Variants in MYH9 observed in about 807,000 individuals in gnomAD.
The protein encoded by MYH9 is myosin heavy chain 9.
A neutral mutation model predicts 241.9 loss-of-function variants in MYH9; 29 were observed. That is an observed-to-expected ratio of 0.12 (90% CI 0.09 to 0.16). MYH9 has a LOEUF of 0.16. Among genes scored for constraint, MYH9 ranks in the 10% least tolerant of loss-of-function variants. MYH9 has a pLI of 1.00. For missense variants in MYH9, 1,803 were observed against 2,595.5 expected (o/e 0.69, Z 6.63); for synonymous variants, 1,047 against 1,062.6 (o/e 0.99, Z 0.29).
chr22:36,293,893 ATGGACCCACCCCCAC>A lies in MYH9; in HGVS notation c.3838-45_3838-31del. On this transcript the variant is annotated intron_variant, in intron 28 of 40. Transcript: ENST00000216181. The surrounding 1 kb of genome is among the most constrained non-coding windows in gnomAD (Gnocchi z 5.1). ...ACCGGGCGGGGAGACACAAAGGACC[ATGGACCCACCCCCAC>A]TGCTCCTGCCCCACCTCATCTCCTT... 1 of 1,595,300 alleles carries A rather than the reference ATGGACCCACCCCCAC, an allele frequency of 6.3e-7. No individual in the cohort carries two copies. Among genetic ancestry groups the A allele is most frequent in the Non-Finnish European group, 8.6e-7 (1 of 1,167,468 alleles).
intron 14 of MYH9, among the ~76,000 whole-genome samples, chr22:36,311,389 T>C (rs2017061487): frequency 6.6e-6 from 1 of 151,420 alleles, no homozygotes; most frequent in Non-Finnish European, 1.5e-5. Flanking sequence ...AACTAGGACA[T>C]GTTTGGCGAT....
chr22:36,292,078 G>A lies in MYH9; in HGVS notation c.4252C>T (p.Leu1418=). ...YDKLEKTKTR[L]QQELDDLLVD... ...AGCAGGTCGTCCAGCTCCTGCTGCAGCCGCGTCTTGGTCTTCTCCAGCTTG... is the reference window on the plus strand; with the variant it reads ...AGCAGGTCGTCCAGCTCCTGCTGCAACCGCGTCTTGGTCTTCTCCAGCTTG... The change falls in exon 31 of 41, where the codon CTG becomes TTG. Residue 1418 remains leucine (L), a synonymous_variant. Coordinates refer to ENST00000216181, the MANE Select transcript of MYH9 (RefSeq NM_002473.6). 1 of 1,614,162 alleles carries A rather than the reference G, an allele frequency of 6.2e-7. No individual in the cohort carries two copies. Among genetic ancestry groups the A allele is most frequent in the Non-Finnish European group, 8.5e-7 (1 of 1,180,052 alleles).
chr22:36,387,691 C>A (rs1255358571), intron 1 of MYH9, 116 bp downstream of exon 1: 2 of 150,594 alleles, frequency 1.3e-5, no homozygotes, highest in East Asian at 2.0e-4. Flanking sequence ...CCCGCCCGCG[C>A]GGGTGGCGGG....
At chr22:36,376,684 C>G (rs931311524) in intron 1 of MYH9, among the ~76,000 whole-genome samples, 4 of 152,222 alleles carry the variant, frequency 2.6e-5, no homozygotes, top group Admixed American at 6.5e-5. Flanking sequence ...CAGGGATTCC[C>G]CGATCAGTGT....
chr22:36,341,660 C>G, intron 2 of MYH9, 134 bp from the exon 3 acceptor site: 1 of 1,018,798 alleles, frequency 9.8e-7, no homozygotes, highest in South Asian at 1.3e-5. Context: ...CCTGATGGCC[C>G]TTGCTCCCAG....
intron 9 of MYH9, chr22:36,319,983 GT>G: frequency 1.6e-6 from 1 of 629,498 alleles, no homozygotes; most frequent in Non-Finnish European, 2.8e-6. Context: ...GTGGACCCGA[GT>G]CCTGGGCAGT....
In MYH9 at chr22:36,320,681, T is replaced by C; in HGVS notation, c.868+117A>G. On this transcript the variant is annotated intron_variant, in intron 8 of 40. Transcript: ENST00000216181. This position sits in a 1 kb window ranked among gnomAD's most constrained non-coding sequence, Gnocchi z 4.8. Reference sequence around the variant, plus strand: ...AGAGAACAGGAGTCACTCTCACTTCTCCCCGTTAAACCCAAGGCCAAAAGT... The same window carrying C: ...AGAGAACAGGAGTCACTCTCACTTCCCCCCGTTAAACCCAAGGCCAAAAGT... The C allele has an allele frequency of 1.2e-6, 1 of 851,616 alleles. No individual in the cohort carries two copies. Among genetic ancestry groups the C allele is most frequent in the Non-Finnish European group, 1.9e-6 (1 of 519,978 alleles). 52.8% of individuals were successfully genotyped at this position (851,616 alleles called of 1,614,324 possible).
In MYH9 at chr22:36,295,567, T is replaced by C. The variant is rs1293746302; in HGVS notation, c.3423A>G (p.Leu1141=). ...CCTCCAACTCTGTTTTCAGAGCCTC[T>C]AGCTCTTCCCCAAGGTCCCGTTTCT... ...EKQKRDLGEE[L]EALKTELEDT... is the part of the protein sequence containing the mutation. Residue 1141 remains leucine, a synonymous_variant, in exon 26 of 41, where the codon CTA becomes CTG. Coordinates refer to ENST00000216181, the MANE Select transcript of MYH9 (RefSeq NM_002473.6). The surrounding 1 kb of genome is among the most constrained non-coding windows in gnomAD (Gnocchi z 4.1). 4 of 1,613,842 alleles carry C rather than the reference T, an allele frequency of 2.5e-6. No individual in the cohort carries two copies. The South Asian group carries it at 3.3e-5, about 13-fold the overall frequency.
intron 3 of MYH9, among the ~76,000 whole-genome samples, chr22:36,337,892 C>T (rs1016662654): frequency 4.6e-5 from 7 of 152,148 alleles, no homozygotes; most frequent in Admixed American, 2.6e-4. Flanking sequence ...CTTGTCATAA[C>T]ATGGACAACT....
chr22:36,336,316 G>T (rs550962783), intron 3 of MYH9, among the ~76,000 whole-genome samples: 24 of 152,278 alleles, frequency 1.6e-4, no homozygotes, highest in African/African-American at 5.8e-4. Context: ...TTCCCCATAG[G>T]GGAGACCCCA....
At position 36,304,119 on chromosome 22, in the gene MYH9, T is replaced by G. The variant is rs937636221; in HGVS notation, c.2266A>C (p.Ile756Leu). ...CGGAAGAAGACTTTGCTCTGGCCAATGCGGTACAGATTGCTGTCGAGCTCC... is the reference window on the plus strand; with the variant it reads ...CGGAAGAAGACTTTGCTCTGGCCAAGGCGGTACAGATTGCTGTCGAGCTCC... ...ALELDSNLYRIGQSKVFFRAG... is the reference protein window; with the variant it reads ...ALELDSNLYRLGQSKVFFRAG... The change falls in exon 19 of 41, where the codon ATT (isoleucine) becomes CTT (leucine). Residue 756 changes from isoleucine (I) to leucine (L), a missense_variant. Physicochemically the swap from Ile to Leu is conservative, Grantham distance 5. Transcript: ENST00000216181. The G allele has an allele frequency of 1.9e-6, 3 of 1,613,596 alleles. No homozygotes were observed.
intron 3 of MYH9, chr22:36,328,814 C>T (rs2146371459): frequency 6.6e-6 from 1 of 152,388 alleles, no homozygotes; most frequent in African/African-American, 2.4e-5. Flanking sequence ...GCTCGCACCA[C>T]CTGGTCAGGG....
chr22:36,341,465 T>G lies in MYH9; in HGVS notation c.395A>C (p.Glu132Ala). The G allele has an allele frequency of 6.2e-7, 1 of 1,614,160 alleles. No homozygotes were observed. Among genetic ancestry groups the G allele is most frequent in the Non-Finnish European group, 8.5e-7 (1 of 1,180,018 alleles). Reference sequence around the variant, plus strand: ...GCCCTTGTACATTTCCACAATCTCTTCAGAGTAGATGGGCAGGTTCTTGTA... The same window carrying G: ...GCCCTTGTACATTTCCACAATCTCTGCAGAGTAGATGGGCAGGTTCTTGTA... ...NPYKNLPIYS[E>A]EIVEMYKGKK... The change falls in exon 3 of 41, where the codon GAA becomes GCA. Residue 132 changes from glutamate to alanine, a missense_variant. Around this residue, in one of 11 missense-constraint regions of MYH9, gnomAD observed 72 missense variants for 134.3 expected, o/e 0.54. Coordinates refer to ENST00000216181, the MANE Select transcript of MYH9 (RefSeq NM_002473.6).
At chr22:36,328,526 T>C (rs2017370370) in intron 3 of MYH9, among the ~76,000 whole-genome samples, 1 of 152,170 alleles carries the variant, frequency 6.6e-6, no homozygotes. Context: ...TAATTCTGAG[T>C]CTCAGTTTCT....
At chr22:36,311,620 T>A (rs889782268) in intron 14 of MYH9, among the ~76,000 whole-genome samples, 5 of 152,130 alleles carry the variant, frequency 3.3e-5, no homozygotes, top group African/African-American at 1.2e-4. Flanking sequence ...ATCCACATAA[T>A]CCTGTATGGT....
At chr22:36,314,653 AT>A (rs2017122339) in intron 12 of MYH9, among the ~76,000 whole-genome samples, 1 of 149,800 alleles carries the variant, frequency 6.7e-6, no homozygotes, top group Non-Finnish European at 1.5e-5. Context: ...TTTTTTTTTT[AT>A]TTTTTATTTT....
intron 1 of MYH9, among the ~76,000 whole-genome samples, chr22:36,351,950 T>C (rs1377126889): frequency 6.6e-6 from 1 of 151,804 alleles, no homozygotes; most frequent in East Asian, 1.9e-4. Flanking sequence ...ATTCACCACC[T>C]CACCTAACTG....
intron 1 of MYH9, among the ~76,000 whole-genome samples, chr22:36,357,452 G>T (rs1328938373): frequency 6.6e-6 from 1 of 152,170 alleles, no homozygotes; most frequent in African/African-American, 2.4e-5. Context: ...GCCACGTGGG[G>T]TATTTAGCAG....
At position 36,295,585 on chromosome 22, in the gene MYH9, C is replaced by G; in HGVS notation, c.3405G>C (p.Arg1135=). ...ASRNKAEKQK[R]DLGEELEALK... ...GAGCCTCTAGCTCTTCCCCAAGGTC[C>G]CGTTTCTGCTTCTCAGCTTTATTCC... Residue 1135 remains arginine, a synonymous_variant, in exon 26 of 41, where the codon CGG becomes CGC. Coordinates refer to ENST00000216181, the MANE Select transcript of MYH9 (RefSeq NM_002473.6). This position sits in a 1 kb window ranked among gnomAD's most constrained non-coding sequence, Gnocchi z 4.1. 6.2e-7 allele frequency: 1 copy of G among 1,614,034 alleles called. No homozygotes were observed. The highest frequency in any genetic ancestry group is 8.5e-7 in the Non-Finnish European group (1 of 1,180,022).
Sources: gnomAD v4.1 joint callset for allele counts (sites outside exome capture counted in the v4.1 genomes callset) on GRCh38, gnomAD v4.1.1 for gene constraint, gnomAD v4.1.1 regional missense constraint, Gnocchi (gnomAD v3.1) non-coding constraint, MANE v1.5 for transcripts, NCBI Gene and HGNC (gene_info 2026-07-23, HGNC 2026-07-21) for gene names.